Variants in NMB observed in about 807,000 individuals in gnomAD.
NMB encodes the protein neuromedin-B.
A neutral mutation model predicts 11.7 loss-of-function variants in NMB; 12 were observed. The ratio of observed to expected loss-of-function variants is 1.03; its 90% CI spans 0.66 to 1.66. The LOEUF is 1.66. Among genes scored for constraint, NMB ranks in the 40% most tolerant of loss-of-function variants. The pLI, the probability that NMB is intolerant of heterozygous loss-of-function variation, is 0.00. For missense variants in NMB, 174 were observed against 157.9 expected (o/e 1.10, Z -0.55); for synonymous variants, 76 against 72.6 (o/e 1.05, Z -0.24).
Position 84,655,328 on chromosome 15 carries a change from T to C in NMB, c.*46A>G. 1 of 1,614,130 alleles carries C rather than the reference T, an allele frequency of 6.2e-7. No homozygotes were observed. Among genetic ancestry groups the C allele is most frequent in the Non-Finnish European group, 8.5e-7 (1 of 1,179,986 alleles). On this transcript the variant is annotated 3_prime_UTR_variant, in exon 3 of 3. Coordinates refer to ENST00000360476, the MANE Select transcript of NMB (RefSeq NM_021077.4). Reference sequence around the variant, plus strand: ...GGTCCCATTCAGCACCTTCCCTGGGTGGGCACAATCTAAGCCACGCTGTTG... The same window carrying C: ...GGTCCCATTCAGCACCTTCCCTGGGCGGGCACAATCTAAGCCACGCTGTTG...
At chr15:84,657,848 T>C in intron 1 of NMB, 148 bp downstream of exon 1, 1 of 930,678 alleles carries the variant, frequency 1.1e-6, no homozygotes. Context: ...GGGTCTCAAG[T>C]ACATATCTAT....
At chr15:84,656,048 T>C (rs1567027501) in intron 2 of NMB, among the ~76,000 whole-genome samples, 1 of 152,166 alleles carries the variant, frequency 6.6e-6, no homozygotes, top group Non-Finnish European at 1.5e-5. Flanking sequence ...TGATAAGAGC[T>C]CGCATCTACT....
chr15:84,657,953 A>G (rs1395910498), intron 1 of NMB, 43 bp downstream of exon 1: 1 of 1,563,680 alleles, frequency 6.4e-7, no homozygotes, highest in Non-Finnish European at 8.6e-7. Context: ...TGGGGTCTGA[A>G]CTGGATGAGG....
intron 2 of NMB, among the ~76,000 whole-genome samples, chr15:84,655,877 C>CT (rs908241680): frequency 3.3e-5 from 5 of 152,174 alleles, no homozygotes; most frequent in African/African-American, 4.8e-5. Flanking sequence ...TCCTCAGGGG[C>CT]TGCTGGTTCT....
chr15:84,657,907 C>T (rs1160733638), intron 1 of NMB, 89 bp downstream of exon 1: 5 of 1,429,062 alleles, frequency 3.5e-6, no homozygotes, highest in Admixed American at 5.0e-5. Flanking sequence ...CACTAGTGTC[C>T]GTGGCTGAGG....
chr15:84,657,356 G>A lies in NMB; in HGVS notation c.158-8C>T, dbSNP rs956651123. ...TCTTGCCCATGAAGTGACCTGGAAA[G>A]GAGGTGTCCAGGCACAAGGAAGTCA... On this transcript the variant is annotated splice_region_variant and splice_polypyrimidine_tract_variant and intron_variant, in intron 1 of 2. Coordinates refer to ENST00000360476, the MANE Select transcript of NMB (RefSeq NM_021077.4). The A allele has an allele frequency of 1.6e-5, 24 of 1,487,662 alleles. No homozygotes were observed. The South Asian group carries it at 2.9e-4, about 18-fold the overall frequency. 92.2% of individuals were successfully genotyped at this position (1,487,662 alleles called of 1,614,324 possible).
In NMB at chr15:84,657,157, G is replaced by C. The variant is rs753720236; in HGVS notation, c.330+19C>G. 6.2e-7 allele frequency: 1 copy of C among 1,602,474 alleles called. No homozygotes were observed. The highest frequency in any genetic ancestry group is 1.1e-5 in the South Asian group (1 of 89,238). ...CCCCAGCTGGGCCCTCCTGACATTG[G>C]AGCAGGGGCCCGGCTCACCTGGATT... On this transcript the variant is annotated intron_variant, in intron 2 of 2. Coordinates refer to ENST00000360476, the MANE Select transcript of NMB (RefSeq NM_021077.4).
At chr15:84,657,482 A>T in intron 1 of NMB, 134 bp from the exon 2 acceptor site, 1 of 842,198 alleles carries the variant, frequency 1.2e-6, no homozygotes, top group Non-Finnish European at 1.7e-6. Flanking sequence ...TGGTGCTTCC[A>T]CCTCACCAAG....
intron 2 of NMB, 129 bp from the exon 3 acceptor site, chr15:84,655,538 C>T (rs939836984): frequency 4.2e-6 from 5 of 1,182,550 alleles, no homozygotes; most frequent in Admixed American, 1.8e-5. Context: ...GAGGCAGGCC[C>T]CAGAGCACCC....
intron 2 of NMB, among the ~76,000 whole-genome samples, chr15:84,656,966 G>T (rs1446976769): frequency 1.3e-5 from 2 of 152,206 alleles, no homozygotes; most frequent in African/African-American, 4.8e-5. Flanking sequence ...CTACTGGGAA[G>T]GTCAGCTTCC....
rs767082399 is a variant in NMB, at chr15:84,658,020, A to G, written c.133T>C (p.Ser45Pro). ...RSRASKIRVH[S>P]RGNLWATGHF... is the part of the protein sequence containing the mutation. ...CCGGTGGCCCAGAGGTTGCCTCGCG[A>G]GTGCACTCGGATCTTGCTGGCTCGG... is the stretch of plus-strand genomic sequence containing the variant. The change falls in exon 1 of 3, where the codon TCG (serine) becomes CCG (proline). Residue 45 changes from serine to proline, a missense_variant. Physicochemically the swap from Ser to Pro is moderately conservative, Grantham distance 74. Coordinates refer to ENST00000360476, the MANE Select transcript of NMB (RefSeq NM_021077.4). 46 of 1,598,482 alleles carry G rather than the reference A, an allele frequency of 2.9e-5. No individual in the cohort carries two copies. The highest frequency in any genetic ancestry group is 3.9e-5 in the Non-Finnish European group (46 of 1,173,490).
At chr15:84,655,911 T>C (rs937828483) in intron 2 of NMB, among the ~76,000 whole-genome samples, 8 of 152,160 alleles carry the variant, frequency 5.3e-5, no homozygotes, top group African/African-American at 1.9e-4. Flanking sequence ...TCAGGGATGT[T>C]GGTTGAGGCT....
At chr15:84,655,683 T>C (rs1896769187) in intron 2 of NMB, among the ~76,000 whole-genome samples, 1 of 152,140 alleles carries the variant, frequency 6.6e-6, no homozygotes, top group Admixed American at 6.6e-5. Flanking sequence ...AGTGTCAGCG[T>C]CCTCACTCCC....
chr15:84,656,958 A>G (rs993841026), intron 2 of NMB, among the ~76,000 whole-genome samples: 5 of 152,166 alleles, frequency 3.3e-5, no homozygotes, highest in Non-Finnish European at 7.4e-5. Flanking sequence ...CATGGGGTCT[A>G]CTGGGAAGGT....
In NMB at chr15:84,658,194, G is replaced by A; in HGVS notation, c.-42C>T. ...CGGCTTCGTTCGGGCGCGCTTCCCG[G>A]CCGCTGGGCTCCGGGGCTGCCTTCG... On this transcript the variant is annotated 5_prime_UTR_variant, in exon 1 of 3. Coordinates refer to ENST00000360476, the MANE Select transcript of NMB (RefSeq NM_021077.4). 2.1e-6 allele frequency: 3 copies of A among 1,416,988 alleles called. No homozygotes were observed. The highest frequency in any genetic ancestry group is 1.5e-5 in the African/African-American group (1 of 65,674). 87.8% of individuals were successfully genotyped at this position (1,416,988 alleles called of 1,614,324 possible). A position where few individuals can be genotyped will look rare whatever the true frequency, so the allele number is the denominator to read the frequency against.
Position 84,658,058 on chromosome 15 carries a change from G to T in NMB, c.95C>A (p.Pro32Gln). Residue 32 changes from proline (P) to glutamine (Q), a missense_variant, in exon 1 of 3, where the codon CCG becomes CAG. By Grantham distance (76) the Pro-to-Gln change is moderately conservative (BLOSUM62 -1). Around this residue, in one of 2 missense-constraint regions of NMB, gnomAD observed 168 missense variants for 138.4 expected, o/e 1.21. Coordinates refer to ENST00000360476, the MANE Select transcript of NMB (RefSeq NM_021077.4). ...AGVAPLSWDL[P>Q]EPRSRASKIR... is the part of the protein sequence containing the mutation. The stretch of plus-strand genomic sequence containing the variant: ...CTTGCTGGCTCGGCTGCGGGGCTCC[G>T]GGAGATCCCAGCTGAGCGGGGCGAC... The T allele has an allele frequency of 6.3e-7, 1 of 1,590,354 alleles. No homozygotes were observed.
At chr15:84,657,422 C>A in intron 1 of NMB, 74 bp from the exon 2 acceptor site, 1 of 1,320,126 alleles carries the variant, frequency 7.6e-7, no homozygotes, top group Non-Finnish European at 1.0e-6. Context: ...TTCCTCATCT[C>A]TCCCACGTTT....
rs1896808812 is a variant in NMB, at chr15:84,658,072, G to T, written c.81C>A (p.Leu27=). ...FALLAAGVAP[L]SWDLPEPRSR... Reference sequence around the variant, plus strand: ...TGCGGGGCTCCGGGAGATCCCAGCTGAGCGGGGCGACGCCGGCAGCGAGCA... The same window carrying T: ...TGCGGGGCTCCGGGAGATCCCAGCTTAGCGGGGCGACGCCGGCAGCGAGCA... The change falls in exon 1 of 3, where the codon CTC becomes CTA. Residue 27 remains leucine (L), a synonymous_variant. Coordinates refer to ENST00000360476, the MANE Select transcript of NMB (RefSeq NM_021077.4). 6.3e-7 allele frequency: 1 copy of T among 1,585,024 alleles called. No homozygotes were observed. Among genetic ancestry groups the T allele is most frequent in the East Asian group, 2.4e-5 (1 of 41,194 alleles).
intron 1 of NMB, 117 bp downstream of exon 1, chr15:84,657,879 G>T: frequency 1.6e-6 from 2 of 1,233,522 alleles, no homozygotes; most frequent in Non-Finnish European, 1.1e-6. Context: ...GAGCCCCAGG[G>T]TTTTCCACCT....
Sources: allele counts gnomAD v4.1 joint callset (sites outside exome capture counted in the v4.1 genomes callset), GRCh38; gene constraint gnomAD v4.1.1; regional missense constraint gnomAD v4.1.1; transcripts MANE v1.5; gene names NCBI Gene and HGNC (gene_info 2026-07-23, HGNC 2026-07-21).